MACROD2: variants seen among roughly 807,000 people sequenced by gnomAD.
MACROD2 encodes ADP-ribose glycohydrolase MACROD2.
In MACROD2, 36 loss-of-function variants were observed where a neutral mutation model predicts 70.4. The ratio of observed to expected loss-of-function variants is 0.51; its 90% CI spans 0.39 to 0.68. The LOEUF (loss-of-function observed/expected upper bound fraction) is 0.68. Ranked by LOEUF, MACROD2 falls within the 30% of genes least tolerant of loss-of-function variation. The pLI is 0.00. For synonymous variants in MACROD2, 172 were observed against 178.8 expected (o/e 0.96, Z 0.30); for missense variants, 496 against 538.4 (o/e 0.92, Z 0.78).
chr20:14,739,243 T>G (rs1250714617), intron 5 of MACROD2, among the ~76,000 whole-genome samples: 1 of 151,946 alleles, frequency 6.6e-6, no homozygotes, highest in Non-Finnish European at 1.5e-5. Flanking sequence ...TATGCAACCA[T>G]AAACAAAAGA....
chr20:14,470,117 T>A (rs2084509946), intron 3 of MACROD2, among the ~76,000 whole-genome samples: 1 of 152,140 alleles, frequency 6.6e-6, no homozygotes, highest in Non-Finnish European at 1.5e-5. Flanking sequence ...GGTTTTTGTG[T>A]GGACATCCTT....
intron 4 of MACROD2, among the ~76,000 whole-genome samples, chr20:14,645,029 G>C (rs1200395180): frequency 2.6e-5 from 4 of 151,976 alleles, no homozygotes; most frequent in African/African-American, 9.7e-5. Context: ...ATTTGCACAG[G>C]GGTAATGATT....
intron 6 of MACROD2, among the ~76,000 whole-genome samples, chr20:15,241,910 A>G (rs2077063359): frequency 6.6e-6 from 1 of 152,210 alleles, no homozygotes; most frequent in Non-Finnish European, 1.5e-5. Context: ...TCTGTTGCTC[A>G]CAATAGAACC....
rs147937867 is a variant in MACROD2 at position 16,009,195 on chromosome 20, C to T, written c.1153+22037C>T. On this transcript the variant is annotated intron_variant, in intron 15 of 17. Transcript: ENST00000684519. ...GAAGAAAACACGAATGGAGGTGGAT[C>T]GATGTGCACCCACTGCCTTTATTCC... Among the ~76,000 whole-genome samples the T allele has an allele frequency of 1.1e-3, 163 of 152,238 alleles. 1 individual carries two copies. The highest frequency in any genetic ancestry group is 3.7e-3 in the African/African-American group (153 of 41,536).
rs140225413 is a variant in MACROD2 at position 15,307,196 on chromosome 20, T to A, written c.540+77135T>A. 9.6e-3 allele frequency among the ~76,000 whole-genome samples: 1,469 copies of A among 152,230 alleles called. 13 individuals are homozygous for A. Among genetic ancestry groups the A allele is most frequent in the Middle Eastern group, 0.027 (8 of 294 alleles). On this transcript the variant is annotated intron_variant, in intron 6 of 17. Coordinates refer to ENST00000684519, the MANE Select transcript of MACROD2 (RefSeq NM_001351661.2). ...GCTCTGCACCAAAGCTCTATGCTGA[T>A]CTCTTGAGAACAAATTTATGCTTGT... is the stretch of plus-strand genomic sequence containing the variant.
intron 2 of MACROD2, among the ~76,000 whole-genome samples, chr20:14,032,598 T>C (rs1228158634): frequency 2.6e-5 from 4 of 152,176 alleles, no homozygotes; most frequent in African/African-American, 7.2e-5. Flanking sequence ...TTCATAACCT[T>C]TGCCCATTTT....
rs75825846 is a variant in MACROD2, at chr20:14,133,644, A to G, written c.271+47916A>G. 9.8e-3 allele frequency among the ~76,000 whole-genome samples: 1,492 copies of G among 152,352 alleles called. 20 individuals are homozygous for G. The highest frequency in any genetic ancestry group is 0.034 in the African/African-American group (1,400 of 41,576). On this transcript the variant is annotated intron_variant, in intron 3 of 17. Coordinates refer to ENST00000684519, the MANE Select transcript of MACROD2 (RefSeq NM_001351661.2). ...GGGTGACATTTGTACAGAGATGTGAATAAAGTGAAGGAACAACTTATGTAT... is the reference window on the plus strand; with the variant it reads ...GGGTGACATTTGTACAGAGATGTGAGTAAAGTGAAGGAACAACTTATGTAT...
At chr20:15,691,371 T>A (rs1404968896) in intron 8 of MACROD2, among the ~76,000 whole-genome samples, 2 of 152,190 alleles carry the variant, frequency 1.3e-5, no homozygotes, top group Non-Finnish European at 2.9e-5. Context: ...TTTTTTCATG[T>A]ATCAAACGTA....
At chr20:15,936,671 G>GTGTGTATATATATATATATATATATA (rs1555797416) in intron 11 of MACROD2, among the ~76,000 whole-genome samples, 40 of 143,294 alleles carry the variant, frequency 2.8e-4, no homozygotes, top group African/African-American at 8.6e-4. Context: ...GTATATGTGT[G>GTGTGTATATATATATATATATATATA]TATATATATA....
chr20:14,343,109 C>T (rs2083031735), intron 3 of MACROD2, among the ~76,000 whole-genome samples: 1 of 151,798 alleles, frequency 6.6e-6, no homozygotes, highest in Non-Finnish European at 1.5e-5. Context: ...TACTTTCTTC[C>T]CTCTTCAGCA....
intron 15 of MACROD2, among the ~76,000 whole-genome samples, chr20:16,021,990 AT>A (rs2067007496): frequency 6.6e-6 from 1 of 151,778 alleles, no homozygotes. Flanking sequence ...TATTGTGGTC[AT>A]TTAGCAAAAA....
chr20:15,074,489 C>T (rs2075643099), intron 5 of MACROD2, among the ~76,000 whole-genome samples: 1 of 152,108 alleles, frequency 6.6e-6, no homozygotes, highest in African/African-American at 2.4e-5. Context: ...ATAAATTGCA[C>T]CCGAGGAGGA....
At chr20:15,959,771 A>T (rs1037783841) in intron 12 of MACROD2, among the ~76,000 whole-genome samples, 1 of 152,044 alleles carries the variant, frequency 6.6e-6, no homozygotes, top group Non-Finnish European at 1.5e-5. Context: ...TGACCTCGTG[A>T]TCTGCCCTCC....
At chr20:15,801,151 T>G (rs950295834) in intron 8 of MACROD2, among the ~76,000 whole-genome samples, 1 of 101,648 alleles carries the variant, frequency 9.8e-6, no homozygotes, top group African/African-American at 3.9e-5. Flanking sequence ...CCCTGCCAAA[T>G]CCCCCTCTGC....
intron 5 of MACROD2, among the ~76,000 whole-genome samples, chr20:15,058,546 C>T (rs992489007): frequency 2.6e-5 from 4 of 152,144 alleles, no homozygotes; most frequent in Non-Finnish European, 4.4e-5. Context: ...ACTAGGCATA[C>T]TGTATTTCTA....
intron 5 of MACROD2, among the ~76,000 whole-genome samples, chr20:14,951,181 A>G (rs941770968): frequency 2.0e-5 from 3 of 152,086 alleles, no homozygotes; most frequent in Non-Finnish European, 2.9e-5. Flanking sequence ...GCCAGCCCTG[A>G]ATGTATGGTT....
chr20:14,673,229 G>A (rs1467469028), intron 4 of MACROD2, among the ~76,000 whole-genome samples: 2 of 152,182 alleles, frequency 1.3e-5, no homozygotes, highest in Non-Finnish European at 2.9e-5. Flanking sequence ...TAAATTTAGA[G>A]AGGCTCTTTT....
intron 4 of MACROD2, among the ~76,000 whole-genome samples, chr20:14,586,221 ATAC>A: frequency 6.6e-6 from 1 of 152,000 alleles, no homozygotes; most frequent in Non-Finnish European, 1.5e-5. Flanking sequence ...GGGCGATGAG[ATAC>A]TACTAAGTGG....
At chr20:14,359,013 C>T (rs532336155) in intron 3 of MACROD2, among the ~76,000 whole-genome samples, 16 of 151,936 alleles carry the variant, frequency 1.1e-4, no homozygotes, top group Non-Finnish European at 1.8e-4. Context: ...ATAATGGGAC[C>T]TCATCTCTAC....
Sources: allele counts gnomAD v4.1 joint callset (sites outside exome capture counted in the v4.1 genomes callset), GRCh38; gene constraint gnomAD v4.1.1; transcripts MANE v1.5; gene names NCBI Gene and HGNC (gene_info 2026-07-23, HGNC 2026-07-21).